The following RAPH1 variants were observed in gnomAD, a reference collection of about 807,000 sequenced individuals.
RAPH1 encodes the protein ras-associated and pleckstrin homology domains-containing protein 1.
In RAPH1, 18 loss-of-function variants were observed where a neutral mutation model predicts 88.1. The ratio of observed to expected loss-of-function variants is 0.20; its 90% CI spans 0.14 to 0.30. The LOEUF (loss-of-function observed/expected upper bound fraction) is 0.30. Among genes scored for constraint, RAPH1 ranks in the 10% least tolerant of loss-of-function variants. The probability of loss-of-function intolerance (pLI) is 1.00; values close to 1 mark genes in which losing one functional copy is unlikely to be tolerated. For synonymous variants in RAPH1, 587 were observed against 559.0 expected, an observed-to-expected ratio of 1.05 and a Z score of -0.71; for missense variants, 1,448 against 1,543.2, an observed-to-expected ratio of 0.94 and a Z score of 1.03.
chr2:203,478,882 C>T (rs1423128237), intron 4 of RAPH1, among the ~76,000 whole-genome samples: 1 of 152,222 alleles, frequency 6.6e-6, no homozygotes, highest in Non-Finnish European at 1.5e-5. Context: ...TAACTTTCTG[C>T]TTGGCCTGCA....
chr2:203,530,348 A>C (rs1336331565), intron 1 of RAPH1, among the ~76,000 whole-genome samples: 3 of 152,212 alleles, frequency 2.0e-5, no homozygotes, highest in African/African-American at 7.2e-5. Flanking sequence ...AACTCAAATA[A>C]AGAGATAAAC....
rs376075728 is a variant in RAPH1, at chr2:203,457,542, T to C, written c.1146A>G (p.Glu382=). 132 of 1,612,496 alleles carry C rather than the reference T, an allele frequency of 8.2e-5. 3 individuals carry two copies. In the Middle Eastern group the frequency reaches 1.2e-3, roughly 14 times the overall value. The change falls in exon 8 of 14, where the codon GAA becomes GAG. Residue 382 remains glutamate, a synonymous_variant. Coordinates refer to ENST00000319170, the MANE Select transcript of RAPH1 (RefSeq NM_213589.3). ...ETAEMADRNK[E]VLLEECFCGS... Reference sequence around the variant, plus strand: ...GGGGTTGTCATACCTCCAAGAGGACTTCTTTGTTTCTATCTGCCATCTCAG... The same window carrying C: ...GGGGTTGTCATACCTCCAAGAGGACCTCTTTGTTTCTATCTGCCATCTCAG...
chr2:203,481,931 A>C (rs1687748121), intron 4 of RAPH1, among the ~76,000 whole-genome samples: 2 of 151,672 alleles, frequency 1.3e-5, no homozygotes, highest in African/African-American at 4.8e-5. Flanking sequence ...ATTGTCTAAA[A>C]AAAAGGTCCT....
In RAPH1 at chr2:203,475,343, C is replaced by T. The variant is rs561161133; in HGVS notation, c.733-13418G>A. ...AATGGCATGAACCTGGGAGGTGGAG[C>T]TTGCAGTGAGCCAAGATCGCGCCAC... is the stretch of plus-strand genomic sequence containing the variant. On this transcript the variant is annotated intron_variant, in intron 4 of 13. Transcript: ENST00000319170. Among the ~76,000 whole-genome samples, 13 of 151,626 alleles carry T rather than the reference C, an allele frequency of 8.6e-5. No individual in the cohort carries two copies. In the East Asian group the frequency reaches 2.3e-3, roughly 27 times the overall value.
At chr2:203,501,219 G>C (rs1354050023) in intron 1 of RAPH1, among the ~76,000 whole-genome samples, 3 of 152,168 alleles carry the variant, frequency 2.0e-5, no homozygotes, top group African/African-American at 7.2e-5. Context: ...GAGGAGAGAG[G>C]AAGTCAGAGC....
At chr2:203,474,711 C>G (rs1278369794) in intron 4 of RAPH1, among the ~76,000 whole-genome samples, 1 of 152,106 alleles carries the variant, frequency 6.6e-6, no homozygotes, top group Non-Finnish European at 1.5e-5. Context: ...TTCCTTTGAA[C>G]AGAATTAAAA....
intron 2 of RAPH1, 45 bp downstream of exon 2, chr2:203,495,189 A>C (rs1442058522): frequency 1.9e-6 from 3 of 1,610,648 alleles, no homozygotes; most frequent in Non-Finnish European, 2.5e-6. Context: ...CTTTTAACAC[A>C]ATGGTGACTT....
chr2:203,455,330 C>T (rs1043229755), intron 9 of RAPH1, 107 bp downstream of exon 9: 32 of 1,045,526 alleles, frequency 3.1e-5, no homozygotes, highest in Middle Eastern at 2.1e-4. Flanking sequence ...ATGTCTTCCA[C>T]GAACTGAAAC....
At chr2:203,453,389 C>G (rs1224965990) in intron 10 of RAPH1, among the ~76,000 whole-genome samples, 2 of 150,840 alleles carry the variant, frequency 1.3e-5, no homozygotes, top group African/African-American at 4.9e-5. Context: ...TACAAAAAAA[C>G]ACAAAAATTA....
intron 5 of RAPH1, among the ~76,000 whole-genome samples, 170 bp from the exon 6 acceptor site, chr2:203,461,578 C>T (rs1022029977): frequency 2.6e-5 from 4 of 151,890 alleles, no homozygotes; most frequent in African/African-American, 7.3e-5. Flanking sequence ...ATCAAATAAC[C>T]TGTAAGTAAA....
chr2:203,526,598 A>G (rs1336809787), intron 1 of RAPH1, among the ~76,000 whole-genome samples: 1 of 150,152 alleles, frequency 6.7e-6, no homozygotes, highest in Non-Finnish European at 1.5e-5. Flanking sequence ...GGTGATGGGC[A>G]CCTGTAATCC....
chr2:203,454,821 G>C (rs565392916), intron 9 of RAPH1, among the ~76,000 whole-genome samples: 1 of 152,066 alleles, frequency 6.6e-6, no homozygotes, highest in East Asian at 1.9e-4. Context: ...ATATAGTCTA[G>C]TACATTAAAA....
chr2:203,530,442 C>A (rs561310687), intron 1 of RAPH1, among the ~76,000 whole-genome samples: 1 of 152,320 alleles, frequency 6.6e-6, no homozygotes, highest in Admixed American at 6.5e-5. Context: ...CAGCTCTTAA[C>A]AGTCCCATCT....
intron 12 of RAPH1, chr2:203,447,602 G>A (rs952528352): frequency 6.3e-6 from 1 of 159,262 alleles, no homozygotes; most frequent in Admixed American, 6.3e-5. Context: ...ATCTGAAGGA[G>A]TGCAGCTTCT....
At chr2:203,501,588 C>A (rs887668136) in intron 1 of RAPH1, among the ~76,000 whole-genome samples, 4 of 151,902 alleles carry the variant, frequency 2.6e-5, no homozygotes, top group Non-Finnish European at 5.9e-5. Flanking sequence ...GGCCACATGG[C>A]GAGACCTCAT....
At chr2:203,468,151 TTGTC>T (rs1371375053) in intron 4 of RAPH1, among the ~76,000 whole-genome samples, 1 of 152,186 alleles carries the variant, frequency 6.6e-6, no homozygotes, top group Non-Finnish European at 1.5e-5. Context: ...GTCATAAACA[TTGTC>T]TGGCACATAG....
rs1031911222 is a variant in RAPH1, at chr2:203,439,254, CATAT to C, written c.*179_*182del. ...ACACATACACATACATATATGTATA[CATAT>C]ATACACACACTGTACAGCTGTGTGT... On this transcript the variant is annotated 3_prime_UTR_variant, in exon 14 of 14. Coordinates refer to ENST00000319170, the MANE Select transcript of RAPH1 (RefSeq NM_213589.3). The C allele has an allele frequency of 3.1e-5, 18 of 587,288 alleles. No homozygotes were observed. The highest frequency in any genetic ancestry group is 8.9e-4 in the Middle Eastern group (2 of 2,242). The allele number at this position is 587,288 out of a possible 1,614,324, so 36.4% of individuals were successfully genotyped here. A position where few individuals can be genotyped will look rare whatever the true frequency, so the allele number is the denominator to read the frequency against.
chr2:203,469,959 AAC>A (rs1247777112), intron 4 of RAPH1, among the ~76,000 whole-genome samples: 5 of 152,260 alleles, frequency 3.3e-5, no homozygotes, highest in African/African-American at 1.2e-4. Flanking sequence ...TTTAAAATGC[AAC>A]AGTGTTAAAC....
In RAPH1 at chr2:203,489,619, G is replaced by C; in HGVS notation, c.697C>G (p.Leu233Val). Residue 233 changes from leucine to valine, a missense_variant, in exon 4 of 14, where the codon CTG becomes GTG. Physicochemically the swap from Leu to Val is conservative, Grantham distance 32. Transcript: ENST00000319170. ...DIDKVTRPQE[L>V]DLTHQGQPIT... ...GGCTGCCCTTGATGTGTCAAATCCA[G>C]CTCTTGAGGGCGTGTTACTTTATCA... The C allele has an allele frequency of 6.2e-7, 1 of 1,605,294 alleles. No individual in the cohort carries two copies. Among genetic ancestry groups the C allele is most frequent in the Non-Finnish European group, 8.5e-7 (1 of 1,174,368 alleles).
Sources: gnomAD v4.1 joint callset for allele counts (sites outside exome capture counted in the v4.1 genomes callset) on GRCh38, gnomAD v4.1.1 for gene constraint, MANE v1.5 for transcripts, NCBI Gene and HGNC (gene_info 2026-07-23, HGNC 2026-07-21) for gene names.